CHD2: variants seen among roughly 807,000 people sequenced by gnomAD.
The protein encoded by CHD2 is chromodomain helicase DNA binding protein 2.
Under a neutral mutation model 243.9 loss-of-function variants are expected in CHD2, and 28 were observed. The ratio of observed to expected loss-of-function variants is 0.11; its 90% CI spans 0.09 to 0.16. The LOEUF is 0.16. Among genes scored for constraint, CHD2 ranks in the 10% least tolerant of loss-of-function variants. The probability of loss-of-function intolerance (pLI) is 1.00; values close to 1 mark genes in which losing one functional copy is unlikely to be tolerated. For synonymous variants in CHD2, 775 were observed against 779.0 expected (o/e 0.99, Z 0.09); for missense variants, 1,386 against 2,209.8 (o/e 0.63, Z 7.47).
chr15:93,009,092 A>G, intron 34 of CHD2, 53 bp from the exon 35 acceptor site: 1 of 1,584,400 alleles, frequency 6.3e-7, no homozygotes, highest in Non-Finnish European at 8.6e-7. Flanking sequence ...AGCAAAGGAC[A>G]AGACTTACTT....
At chr15:92,962,303 AGTT>A (rs1229177746) in intron 16 of CHD2, among the ~76,000 whole-genome samples, 2 of 151,678 alleles carry the variant, frequency 1.3e-5, no homozygotes, top group Non-Finnish European at 1.5e-5. Context: ...TTTCTTTTCT[AGTT>A]GTTTAAAGGT....
At chr15:93,011,600 A>G (rs935371869) in intron 35 of CHD2, among the ~76,000 whole-genome samples, 4 of 152,314 alleles carry the variant, frequency 2.6e-5, no homozygotes, top group Middle Eastern at 3.4e-3. Context: ...GTCAGCAGCA[A>G]GCCATGGTGA....
At position 93,012,377 on chromosome 15, in the gene CHD2, A is replaced by C; in HGVS notation, c.4625A>C (p.Glu1542Ala). 1 of 1,608,588 alleles carries C rather than the reference A, an allele frequency of 6.2e-7. No homozygotes were observed. The highest frequency in any genetic ancestry group is 8.5e-7 in the Non-Finnish European group (1 of 1,178,530). Residue 1542 changes from glutamate to alanine, a missense_variant, in exon 36 of 39, where the codon GAA (glutamate) becomes GCA (alanine). By Grantham distance (107) the Glu-to-Ala change is moderately radical (BLOSUM62 -1). Transcript: ENST00000394196. ...TGGATTTTTGTTTCCAAGTTTACAG[A>C]ATTTGATGCTCGAAAACTGCATAAG... ...NLWIFVSKFT[E>A]FDARKLHKLY...
In CHD2 at chr15:92,997,467, T is replaced by C. The variant is rs892742735; in HGVS notation, c.3885+64T>C. On this transcript the variant is annotated intron_variant, in intron 30 of 38. Coordinates refer to ENST00000394196, the MANE Select transcript of CHD2 (RefSeq NM_001271.4). This position sits in a 1 kb window ranked among gnomAD's most constrained non-coding sequence, Gnocchi z 4.1. ...TGTTGTGTAATATTTTTATATCGAT[T>C]ACTTATTTCTAACTATTTTCGAGGG... 1.4e-5 allele frequency: 20 copies of C among 1,385,390 alleles called. No individual in the cohort carries two copies. Among genetic ancestry groups the C allele is most frequent in the Non-Finnish European group, 1.9e-5 (20 of 1,035,164 alleles). 85.8% of individuals were successfully genotyped at this position (1,385,390 alleles called of 1,614,324 possible). A position where few individuals can be genotyped will look rare whatever the true frequency, so the allele number is the denominator to read the frequency against.
chr15:92,967,395 A>G lies in CHD2; in HGVS notation c.2071A>G (p.Lys691Glu). The G allele has an allele frequency of 1.2e-6, 2 of 1,613,492 alleles. No individual in the cohort carries two copies. Among genetic ancestry groups the G allele is most frequent in the Non-Finnish European group, 1.7e-6 (2 of 1,179,538 alleles). The change falls in exon 17 of 39, where the codon AAG becomes GAG. Residue 691 changes from lysine to glutamate, a missense_variant. By Grantham distance (56) the Lys-to-Glu change is moderately conservative (BLOSUM62 1). Coordinates refer to ENST00000394196, the MANE Select transcript of CHD2 (RefSeq NM_001271.4). ...GRENGYQSLH[K>E]VLEPFLLRRV... ...AGAAAATGGCTACCAGAGTCTTCAT[A>G]AGGTGCTAGAGCCTTTCCTTCTCCG...
chr15:92,948,658 C>A (rs1200360201), intron 12 of CHD2, among the ~76,000 whole-genome samples: 1 of 151,990 alleles, frequency 6.6e-6, no homozygotes, highest in East Asian at 1.9e-4. Flanking sequence ...ATGGTGAAAC[C>A]CCATCTCTAC....
rs75353174 is a variant in CHD2 at position 92,947,812 on chromosome 15, G to A, written c.1378-1140G>A. 6.3e-3 allele frequency among the ~76,000 whole-genome samples: 966 copies of A among 152,206 alleles called. 13 individuals carry two copies. The highest frequency in any genetic ancestry group is 0.022 in the African/African-American group (928 of 41,534). On this transcript the variant is annotated intron_variant, in intron 12 of 38. Coordinates refer to ENST00000394196, the MANE Select transcript of CHD2 (RefSeq NM_001271.4). ...AGTCGGATTCCATTCACTGCCAGCCGCCCTCATAGAGAACTGAACACATCA... is the reference window on the plus strand; with the variant it reads ...AGTCGGATTCCATTCACTGCCAGCCACCCTCATAGAGAACTGAACACATCA...
At chr15:92,984,996 G>GT (rs942232257) in intron 25 of CHD2, among the ~76,000 whole-genome samples, 2 of 152,142 alleles carry the variant, frequency 1.3e-5, no homozygotes, top group Non-Finnish European at 2.9e-5. Context: ...GGTAGAACAA[G>GT]TTTTTTTACC....
chr15:93,016,722 C>T (rs1022351267), intron 37 of CHD2, among the ~76,000 whole-genome samples: 4 of 126,910 alleles, frequency 3.2e-5, no homozygotes, highest in African/African-American at 5.7e-5. Flanking sequence ...GTGGAGGTTG[C>T]GGTGAGCCAG....
At chr15:92,967,590 A>T in intron 17 of CHD2, 77 bp downstream of exon 17, 1 of 957,634 alleles carries the variant, frequency 1.0e-6, no homozygotes, top group Non-Finnish European at 1.4e-6. Context: ...ATATATATAT[A>T]TACTTTTGTT....
At chr15:92,972,006 C>T in intron 18 of CHD2, 79 bp downstream of exon 18, 1 of 1,425,338 alleles carries the variant, frequency 7.0e-7, no homozygotes, top group East Asian at 2.3e-5. Context: ...TGCTCTATTT[C>T]CTTGTTGGTG....
intron 38 of CHD2, among the ~76,000 whole-genome samples, chr15:93,023,651 C>G (rs765100660): frequency 4.6e-5 from 7 of 150,908 alleles, no homozygotes; most frequent in Non-Finnish European, 7.4e-5. Flanking sequence ...TTATCTTTGC[C>G]AACACTTATT....
At chr15:92,933,279 T>C (rs967225230) in intron 5 of CHD2, among the ~76,000 whole-genome samples, 2 of 152,200 alleles carry the variant, frequency 1.3e-5, no homozygotes, top group African/African-American at 4.8e-5. Flanking sequence ...TATTTTTAAA[T>C]TAGTTAGCAT....
chr15:93,015,531 TAACTG>T (rs144470281), intron 37 of CHD2, among the ~76,000 whole-genome samples: 6,201 of 152,138 alleles, frequency 0.041, 192 homozygotes, highest in South Asian at 0.14. Flanking sequence ...AACAAAACAA[TAACTG>T]AATAGAAAAA....
In CHD2 at chr15:93,025,001, A is replaced by T. The variant is rs1470847530; in HGVS notation, c.*296A>T. 4 of 356,208 alleles carry T rather than the reference A, an allele frequency of 1.1e-5. No homozygotes were observed. The highest frequency in any genetic ancestry group is 2.0e-5 in the Non-Finnish European group (4 of 195,872). The allele number at this position is 356,208 out of a possible 1,614,324, so 22.1% of individuals were successfully genotyped here. A position where few individuals can be genotyped will look rare whatever the true frequency, so the allele number is the denominator to read the frequency against. On this transcript the variant is annotated 3_prime_UTR_variant, in exon 39 of 39. Coordinates refer to ENST00000394196, the MANE Select transcript of CHD2 (RefSeq NM_001271.4). The stretch of plus-strand genomic sequence containing the variant: ...CTGTGTGTGTACCAGCTTCACTGGG[A>T]TGTGTTTCCCCAGTCAAGGAACAGG...
chr15:92,978,154 C>CCAGGTGTAAGGGCTTATTGGA (rs1309618517), intron 20 of CHD2, 80 bp from the exon 21 acceptor site: 1 of 1,531,040 alleles, frequency 6.5e-7, no homozygotes, highest in Non-Finnish European at 9.0e-7. Flanking sequence ...GCAGGGGTTT[C>CCAGGTGTAAGGGCTTATTGGA]CAGGTGTAAG....
intron 19 of CHD2, 152 bp from the exon 20 acceptor site, chr15:92,974,727 T>C (rs918758918): frequency 1.1e-5 from 7 of 628,760 alleles, no homozygotes; most frequent in Non-Finnish European, 2.0e-5. Context: ...GGTGTGCTTC[T>C]TAAGCACAGC....
At chr15:93,022,063 C>G (rs945117844) in intron 38 of CHD2, 1 of 152,206 alleles carries the variant, frequency 6.6e-6, no homozygotes, top group African/African-American at 2.4e-5. Context: ...TTGCCCACCC[C>G]CAAGGTAAAG....
At chr15:93,020,692 G>A (rs1046302345) in intron 38 of CHD2, 47 of 239,860 alleles carry the variant, frequency 2.0e-4, no homozygotes, top group African/African-American at 1.0e-3. Context: ...AATGCCACCA[G>A]TAGTACGATG....
Sources: gnomAD v4.1 joint callset for allele counts (sites outside exome capture counted in the v4.1 genomes callset) on GRCh38, gnomAD v4.1.1 for gene constraint, Gnocchi (gnomAD v3.1) non-coding constraint, MANE v1.5 for transcripts, NCBI Gene and HGNC (gene_info 2026-07-23, HGNC 2026-07-21) for gene names.